The following KDM4B variants were observed in gnomAD, a reference collection of about 807,000 sequenced individuals.
KDM4B encodes lysine-specific demethylase 4B.
Under a neutral mutation model 125.2 loss-of-function variants are expected in KDM4B, and 32 were observed. The ratio of observed to expected loss-of-function variants is 0.26; its 90% confidence interval spans 0.19 to 0.34. KDM4B has a LOEUF of 0.34. KDM4B is among the 10% of genes least tolerant of loss of function. The pLI, the probability that KDM4B is intolerant of heterozygous loss-of-function variation, is 1.00. For synonymous variants in KDM4B, 721 were observed against 677.9 expected (o/e 1.06, Z -0.99); for missense variants, 1,190 against 1,577.7 (o/e 0.75, Z 4.16).
chr19:4,970,807 A>G lies in KDM4B; in HGVS notation c.-109+1577A>G, dbSNP rs1257623547. Among the ~76,000 whole-genome samples, 5 of 147,990 alleles carry G rather than the reference A, an allele frequency of 3.4e-5. No homozygotes were observed. The South Asian group carries it at 1.1e-3, about 32-fold the overall frequency. On this transcript the variant is annotated intron_variant, in intron 1 of 22. Transcript: ENST00000159111. ...TTTGAAACCCTGAAGGTCGGAGCGTAAAGCCGTGGTAGAGTCAACTTCTGT... is the reference window on the plus strand; with the variant it reads ...TTTGAAACCCTGAAGGTCGGAGCGTGAAGCCGTGGTAGAGTCAACTTCTGT...
intron 1 of KDM4B, among the ~76,000 whole-genome samples, chr19:4,988,375 A>G (rs1229140882): frequency 6.6e-6 from 1 of 152,018 alleles, no homozygotes; most frequent in Admixed American, 6.6e-5. Context: ...TCCTGGGTTC[A>G]CGCCATTCTC....
intron 5 of KDM4B, among the ~76,000 whole-genome samples, chr19:5,045,566 CTT>C (rs35326942): frequency 9.7e-5 from 14 of 145,066 alleles, no homozygotes; most frequent in Admixed American, 1.4e-4. Flanking sequence ...AATTTTCTTT[CTT>C]TTTTTTTTTT....
rs1241527883 is a variant in KDM4B, at chr19:5,081,655, GT to G, written c.781-711del. On this transcript the variant is annotated intron_variant, in intron 8 of 22. Coordinates refer to ENST00000159111, the MANE Select transcript of KDM4B (RefSeq NM_015015.3). The surrounding 1 kb of genome is among the most constrained non-coding windows in gnomAD (Gnocchi z 4.2). ...TGGAAGCATTGGCCCGCTCTCCAGG[GT>G]GCTGATCTGTGGTGTCAGGTCATGC... Among the ~76,000 whole-genome samples the G allele has an allele frequency of 1.2e-4, 19 of 152,144 alleles. No homozygotes were observed. Among genetic ancestry groups the G allele is most frequent in the Admixed American group, 1.2e-3 (18 of 15,284 alleles).
intron 10 of KDM4B, among the ~76,000 whole-genome samples, chr19:5,118,025 C>T (rs2039290478): frequency 6.6e-6 from 1 of 152,134 alleles, no homozygotes; most frequent in African/African-American, 2.4e-5. Flanking sequence ...TGGCTGGGAG[C>T]AGCGGTGGGC....
chr19:5,120,248 G>C (rs767117496), intron 11 of KDM4B, among the ~76,000 whole-genome samples: 10 of 152,244 alleles, frequency 6.6e-5, no homozygotes, highest in African/African-American at 9.6e-5. Flanking sequence ...TGAGGTGGGA[G>C]GTTGAGGCCG....
chr19:4,980,957 G>T (rs2034619107), intron 1 of KDM4B, among the ~76,000 whole-genome samples: 2 of 151,990 alleles, frequency 1.3e-5, no homozygotes, highest in Non-Finnish European at 2.9e-5. Flanking sequence ...TGGGGTGGGC[G>T]GGGTCAGCTT....
chr19:4,980,200 C>T (rs138034322), intron 1 of KDM4B, among the ~76,000 whole-genome samples: 8 of 152,266 alleles, frequency 5.3e-5, no homozygotes, highest in African/African-American at 1.9e-4. Flanking sequence ...TATTATTACA[C>T]AAAGGCACTC....
chr19:4,999,477 A>G (rs891735825), intron 1 of KDM4B, among the ~76,000 whole-genome samples: 1 of 152,110 alleles, frequency 6.6e-6, no homozygotes, highest in East Asian at 1.9e-4. Context: ...GGAGAATGCC[A>G]CTTAGAAACC....
At chr19:5,067,101 C>T (rs1317973425) in intron 6 of KDM4B, among the ~76,000 whole-genome samples, 4 of 152,272 alleles carry the variant, frequency 2.6e-5, no homozygotes, top group South Asian at 2.1e-4. Flanking sequence ...CCCTCCCTCC[C>T]GAAGGCTCCC....
intron 21 of KDM4B, among the ~76,000 whole-genome samples, chr19:5,146,123 C>T (rs1350607723): frequency 6.9e-6 from 1 of 144,530 alleles, no homozygotes; most frequent in Non-Finnish European, 1.5e-5. Flanking sequence ...GCCGTGCAGG[C>T]CGACCCCGCC....
rs573614635 is a variant in KDM4B, at chr19:5,149,169, C to T, written c.3022-1189C>T. ...TGCCCCAAGGCAGGGTCTGTGCTCCCTTGGAGAGGGAGGTGCTGCGATCCC... is the reference window on the plus strand; with the variant it reads ...TGCCCCAAGGCAGGGTCTGTGCTCCTTTGGAGAGGGAGGTGCTGCGATCCC... On this transcript the variant is annotated intron_variant, in intron 21 of 22. Coordinates refer to ENST00000159111, the MANE Select transcript of KDM4B (RefSeq NM_015015.3). Among the ~76,000 whole-genome samples the T allele has an allele frequency of 2.6e-5, 4 of 152,370 alleles. No individual in the cohort carries two copies. The South Asian group carries it at 8.3e-4, about 32-fold the overall frequency.
chr19:5,008,548 A>AC (rs2035629808), intron 1 of KDM4B, among the ~76,000 whole-genome samples: 1 of 151,076 alleles, frequency 6.6e-6, no homozygotes, highest in Non-Finnish European at 1.5e-5. Context: ...GATCCAGAAA[A>AC]CCCTGGCTGT....
chr19:5,090,404 CT>C (rs1166794675), intron 9 of KDM4B, among the ~76,000 whole-genome samples: 1 of 44,588 alleles, frequency 2.2e-5, no homozygotes, highest in Non-Finnish European at 4.4e-5. Context: ...CTCTCTCTCT[CT>C]CTCCCCCTCT....
At position 5,115,589 on chromosome 19, in the gene KDM4B, G is replaced by C. The variant is rs1032392877; in HGVS notation, c.1116-4064G>C. Among the ~76,000 whole-genome samples the C allele has an allele frequency of 2.0e-5, 3 of 152,238 alleles. 1 individual carries two copies. The highest frequency in any genetic ancestry group is 2.1e-4 in the South Asian group (1 of 4,830). ...CCGTGCACAGAGGGATCAACGGCCAGGGGACCCGACACATTGGAGGCTGCG... is the reference window on the plus strand; with the variant it reads ...CCGTGCACAGAGGGATCAACGGCCACGGGACCCGACACATTGGAGGCTGCG... On this transcript the variant is annotated intron_variant, in intron 10 of 22. Coordinates refer to ENST00000159111, the MANE Select transcript of KDM4B (RefSeq NM_015015.3). The surrounding 1 kb of genome is among the most constrained non-coding windows in gnomAD (Gnocchi z 4.2).
At chr19:4,994,166 G>C (rs770278805) in intron 1 of KDM4B, among the ~76,000 whole-genome samples, 1 of 150,530 alleles carries the variant, frequency 6.6e-6, no homozygotes, top group Non-Finnish European at 1.5e-5. Context: ...AGCTGATCTC[G>C]AACTCCTGGG....
At chr19:5,108,928 A>G (rs901190045) in intron 9 of KDM4B, among the ~76,000 whole-genome samples, 4 of 151,674 alleles carry the variant, frequency 2.6e-5, no homozygotes, top group Non-Finnish European at 2.9e-5. Flanking sequence ...CCACGCCCCG[A>G]GCTTCCGCAT....
chr19:5,055,577 C>T (rs2037369357), intron 6 of KDM4B, among the ~76,000 whole-genome samples: 1 of 152,016 alleles, frequency 6.6e-6, no homozygotes, highest in Non-Finnish European at 1.5e-5. Flanking sequence ...CGGGTGGGCA[C>T]CCCGCAGCAG....
rs971361854 is a variant in KDM4B, at chr19:5,031,095, G to C, written c.-25-1771G>C. Among the ~76,000 whole-genome samples the C allele has an allele frequency of 2.2e-4, 34 of 152,242 alleles. 1 individual carries two copies. The highest frequency in any genetic ancestry group is 2.2e-3 in the Admixed American group (34 of 15,290). On this transcript the variant is annotated intron_variant, in intron 2 of 22. Coordinates refer to ENST00000159111, the MANE Select transcript of KDM4B (RefSeq NM_015015.3). ...CTCCCTCTGAGCCGGTGGCTCCCTG[G>C]GGACAGTGCGCAGGCCCTGGGTGAA...
chr19:4,972,576 A>G (rs1338454550), intron 1 of KDM4B, among the ~76,000 whole-genome samples: 1 of 152,148 alleles, frequency 6.6e-6, no homozygotes. Flanking sequence ...AGATGCTAGT[A>G]GCACCCTGTC....
Sources: allele counts gnomAD v4.1 joint callset (sites outside exome capture counted in the v4.1 genomes callset), GRCh38; gene constraint gnomAD v4.1.1; non-coding constraint Gnocchi (gnomAD v3.1); transcripts MANE v1.5; gene names NCBI Gene and HGNC (gene_info 2026-07-23, HGNC 2026-07-21).